Variants in LSAMP observed in about 807,000 individuals in gnomAD.
LSAMP encodes the protein limbic system-associated membrane protein.
Under a neutral mutation model 38.6 loss-of-function variants are expected in LSAMP, and 7 were observed. That is an observed-to-expected ratio of 0.18 (90% CI 0.10 to 0.34). The LOEUF (loss-of-function observed/expected upper bound fraction) is 0.34, where lower values mean the gene tolerates loss of function less well. Ranked by LOEUF, LSAMP falls within the 10% of genes least tolerant of loss-of-function variation. The probability of loss-of-function intolerance (pLI) is 1.00; values close to 1 mark genes in which losing one functional copy is unlikely to be tolerated. For missense variants in LSAMP, 313 were observed against 420.0 expected (o/e 0.75, Z 2.23); for synonymous variants, 154 against 166.8 (o/e 0.92, Z 0.59).
At chr3:115,871,345 GA>G (rs1170184367) in intron 3 of LSAMP, among the ~76,000 whole-genome samples, 4 of 150,218 alleles carry the variant, frequency 2.7e-5, no homozygotes, top group Admixed American at 6.6e-5. Context: ...AGCAGAGACA[GA>G]AAAAAAAATG....
At chr3:115,986,393 C>T (rs1346243977) in intron 3 of LSAMP, among the ~76,000 whole-genome samples, 1 of 152,122 alleles carries the variant, frequency 6.6e-6, no homozygotes, top group Admixed American at 6.6e-5. Context: ...TACTAAAACA[C>T]ATTTCACCAG....
intron 1 of LSAMP, among the ~76,000 whole-genome samples, chr3:116,394,860 T>C (rs576767122): frequency 6.6e-6 from 1 of 152,340 alleles, no homozygotes; most frequent in South Asian, 2.1e-4. Flanking sequence ...TCCTTGATTA[T>C]TAGCTTTTAT....
intron 1 of LSAMP, among the ~76,000 whole-genome samples, chr3:116,439,691 A>G (rs936903657): frequency 6.6e-6 from 1 of 152,248 alleles, no homozygotes; most frequent in Non-Finnish European, 1.5e-5. Flanking sequence ...ACAACCCTGT[A>G]GGGTAACTAA....
At chr3:116,344,989 G>C (rs896171691) in intron 1 of LSAMP, among the ~76,000 whole-genome samples, 1 of 152,148 alleles carries the variant, frequency 6.6e-6, no homozygotes, top group Non-Finnish European at 1.5e-5. Context: ...TAATCCCTGT[G>C]TGTATGTATG....
chr3:116,395,544 T>C (rs1009212857), intron 1 of LSAMP, among the ~76,000 whole-genome samples: 2 of 152,178 alleles, frequency 1.3e-5, no homozygotes, highest in African/African-American at 2.4e-5. Flanking sequence ...ATAAGCCACA[T>C]TGGAGATCTT....
chr3:115,997,912 T>A (rs1161546092), intron 3 of LSAMP, among the ~76,000 whole-genome samples: 1 of 146,820 alleles, frequency 6.8e-6, no homozygotes, highest in African/African-American at 2.5e-5. Context: ...AAAATACATA[T>A]ATACATATAA....
intron 2 of LSAMP, among the ~76,000 whole-genome samples, chr3:116,067,220 A>G (rs548921146): frequency 6.6e-6 from 1 of 152,304 alleles, no homozygotes; most frequent in African/African-American, 2.4e-5. Context: ...ACCCTCCTAG[A>G]GAGCATATAA....
chr3:116,163,967 A>C (rs992065505), intron 1 of LSAMP, among the ~76,000 whole-genome samples: 1 of 152,196 alleles, frequency 6.6e-6, no homozygotes, highest in Non-Finnish European at 1.5e-5. Flanking sequence ...CATGTTGAGG[A>C]GTCTCTGAGT....
chr3:116,125,931 A>G (rs886314183), intron 1 of LSAMP, among the ~76,000 whole-genome samples: 3 of 152,188 alleles, frequency 2.0e-5, no homozygotes, highest in African/African-American at 7.2e-5. Flanking sequence ...TTCACACGTT[A>G]AGAGATATAT....
chr3:116,115,920 C>T (rs766094764), intron 1 of LSAMP, among the ~76,000 whole-genome samples: 13 of 151,728 alleles, frequency 8.6e-5, no homozygotes, highest in African/African-American at 1.2e-4. Flanking sequence ...CTTAAATGTC[C>T]GTAGGGCGGC....
At chr3:115,861,135 TTCCTTCCTTCCTTCC>T (rs1559855408) in intron 3 of LSAMP, among the ~76,000 whole-genome samples, 107 of 5,448 alleles carry the variant, frequency 0.02, 3 homozygotes, top group South Asian at 0.06. Flanking sequence ...CTTTCTTTCC[TTCCTTCCTTCCTTCC>T]TTCCTTCCTT....
chr3:116,162,968 T>A (rs9878125), intron 1 of LSAMP, among the ~76,000 whole-genome samples: 82,794 of 151,712 alleles, frequency 0.55, 23,365 homozygotes, highest in East Asian at 0.76. Flanking sequence ...CCCCCATCCC[T>A]GGACCTGTTG....
chr3:116,137,665 TATTG>T (rs1709281701), intron 1 of LSAMP, among the ~76,000 whole-genome samples: 1 of 152,182 alleles, frequency 6.6e-6, no homozygotes, highest in Non-Finnish European at 1.5e-5. Context: ...ATTCTGAAAT[TATTG>T]ATTGATCTTC....
chr3:115,871,064 G>A (rs1035385843), intron 3 of LSAMP, among the ~76,000 whole-genome samples: 10 of 151,978 alleles, frequency 6.6e-5, no homozygotes, highest in Non-Finnish European at 8.8e-5. Flanking sequence ...TTCAAATTAC[G>A]GAACTAGAAA....
chr3:115,807,876 A>C lies in LSAMP; in HGVS notation c.*2441T>G, dbSNP rs903893474. The C allele has an allele frequency of 6.6e-6, 1 of 152,132 alleles. No homozygotes were observed. The highest frequency in any genetic ancestry group is 2.4e-5 in the African/African-American group (1 of 41,426). The allele number at this position is 152,132 out of a possible 1,614,324, so 9.4% of individuals were successfully genotyped here. A position where few individuals can be genotyped will look rare whatever the true frequency, so the allele number is the denominator to read the frequency against. On this transcript the variant is annotated 3_prime_UTR_variant, in exon 7 of 7. Transcript: ENST00000490035. ...TTTACTAGCTACCTTCTTGGATGAG[A>C]ATTTGTTTTCTCTCCTATGTCAGAA...
intron 1 of LSAMP, among the ~76,000 whole-genome samples, chr3:116,424,886 C>A (rs2049174424): frequency 6.6e-6 from 1 of 151,680 alleles, no homozygotes; most frequent in African/African-American, 2.4e-5. Context: ...TTTTTCTTTC[C>A]TTTCAACTAG....
At chr3:116,436,047 T>C (rs1249471612) in intron 1 of LSAMP, among the ~76,000 whole-genome samples, 1 of 152,160 alleles carries the variant, frequency 6.6e-6, no homozygotes, top group Non-Finnish European at 1.5e-5. Context: ...ATAGAGGTTC[T>C]ACCAAATGCA....
chr3:116,098,315 AG>A (rs1325167294), intron 1 of LSAMP, among the ~76,000 whole-genome samples: 1 of 151,998 alleles, frequency 6.6e-6, no homozygotes, highest in African/African-American at 2.4e-5. Flanking sequence ...CTTGACCAAC[AG>A]GGAGAAACCC....
At position 115,977,868 on chromosome 3, in the gene LSAMP, CAT is replaced by C. The variant is rs374602544; in HGVS notation, c.514+41645_514+41646del. 4.3e-3 allele frequency among the ~76,000 whole-genome samples: 648 copies of C among 152,106 alleles called. 2 individuals are homozygous for C. Among genetic ancestry groups the C allele is most frequent in the African/African-American group, 0.015 (623 of 41,502 alleles). ...AGGCCAAACTAAAAAAGAAAGAAGA[CAT>C]AGTCTTTATGGCACTGAAGAACTGA... On this transcript the variant is annotated intron_variant, in intron 3 of 6. Coordinates refer to ENST00000490035, the MANE Select transcript of LSAMP (RefSeq NM_002338.5).
Sources: gnomAD v4.1 joint callset for allele counts (sites outside exome capture counted in the v4.1 genomes callset) on GRCh38, gnomAD v4.1.1 for gene constraint, MANE v1.5 for transcripts, NCBI Gene and HGNC (gene_info 2026-07-23, HGNC 2026-07-21) for gene names.